ANK2: variants seen among roughly 807,000 people sequenced by gnomAD.
ANK2 encodes the protein ankyrin 2, also known as ankyrin-2.
ANK2 carries 83 observed loss-of-function variants against 360.5 expected under a neutral mutation model. The ratio of observed to expected loss-of-function variants is 0.23; its 90% CI spans 0.19 to 0.28. The LOEUF is 0.28. Ranked by LOEUF, ANK2 falls within the 10% of genes least tolerant of loss-of-function variation. The pLI, the probability that ANK2 is intolerant of heterozygous loss-of-function variation, is 1.00. For missense variants in ANK2, 4,201 were observed against 4,795.7 expected (o/e 0.88, Z 3.66); for synonymous variants, 1,740 against 1,759.5 (o/e 0.99, Z 0.28).
intron 40 of ANK2, 111 bp downstream of exon 40, chr4:113,363,580 G>A: frequency 8.7e-7 from 1 of 1,144,334 alleles, no homozygotes. Flanking sequence ...TTAATCTGCA[G>A]TACAGTGGGT....
At position 113,353,449 on chromosome 4, in the gene ANK2, A is replaced by G. The variant is rs2095540829; in HGVS notation, c.4831A>G (p.Ile1611Val). The G allele has an allele frequency of 6.2e-7, 1 of 1,614,098 alleles. No homozygotes were observed. Among genetic ancestry groups the G allele is most frequent in the Non-Finnish European group, 8.5e-7 (1 of 1,179,972 alleles). The change falls in exon 38 of 46, where the codon ATC becomes GTC. Residue 1611 changes from isoleucine to valine, a missense_variant. Physicochemically the swap from Ile to Val is conservative, Grantham distance 29. Around this residue, in one of 4 missense-constraint regions of ANK2, gnomAD observed 1,268 missense variants for 1,650.8 expected, o/e 0.77. Coordinates refer to ENST00000357077, the MANE Select transcript of ANK2 (RefSeq NM_001148.6). Reference sequence around the variant, plus strand: ...GGCTAGGCAAAAAGCACCTTTAGAAATCACTGAATATCCATGTGTAGAAGT... The same window carrying G: ...GGCTAGGCAAAAAGCACCTTTAGAAGTCACTGAATATCCATGTGTAGAAGT... Reference protein sequence around the residue: ...EEARQKAPLEITEYPCVEVRI... With the variant: ...EEARQKAPLEVTEYPCVEVRI...
At chr4:113,305,059 G>T (rs1209951252) in intron 23 of ANK2, among the ~76,000 whole-genome samples, 1 of 151,834 alleles carries the variant, frequency 6.6e-6, no homozygotes, top group Non-Finnish European at 1.5e-5. Flanking sequence ...AAATAGCCTC[G>T]GCCGGGCGCG....
chr4:113,154,347 C>T (rs553944566), intron 1 of ANK2, among the ~76,000 whole-genome samples: 64 of 152,272 alleles, frequency 4.2e-4, no homozygotes, highest in Non-Finnish European at 7.5e-4. Flanking sequence ...TACTATAAGA[C>T]AATGTTATGA....
intron 1 of ANK2, among the ~76,000 whole-genome samples, chr4:112,846,482 G>A (rs554417110): frequency 1.4e-4 from 21 of 152,130 alleles, no homozygotes; most frequent in African/African-American, 4.8e-4. Context: ...CCAAAGTCAC[G>A]AAATTCATTA....
rs143499440 is a variant in ANK2, at chr4:113,112,413, G to A, written c.85-62003G>A. On this transcript the variant is annotated intron_variant, in intron 1 of 45. Transcript: ENST00000357077. ...AGTGATTGAGGCTGGAGTGGGGTTG[G>A]GAGGATGCAGGGGGAGACAGAATGT... Among the ~76,000 whole-genome samples the A allele has an allele frequency of 4.7e-3, 716 of 152,228 alleles. 4 individuals carry two copies. The highest frequency in any genetic ancestry group is 0.016 in the African/African-American group (685 of 41,538).
intron 4 of ANK2, among the ~76,000 whole-genome samples, chr4:113,214,799 G>A (rs971691349): frequency 1.3e-5 from 2 of 152,036 alleles, no homozygotes; most frequent in African/African-American, 4.8e-5. Flanking sequence ...TCAAATCACT[G>A]GGAAATTTTT....
intron 1 of ANK2, chr4:112,827,334 G>A (rs2058626747): frequency 1.1e-5 from 13 of 1,228,450 alleles, no homozygotes; most frequent in Non-Finnish European, 1.3e-5. Flanking sequence ...AAGCCAATGA[G>A]TTACAGCAAC....
At position 113,355,754 on chromosome 4, in the gene ANK2, C is replaced by A. The variant is rs753351853; in HGVS notation, c.7136C>A (p.Thr2379Lys). The change falls in exon 38 of 46, where the codon ACA (threonine) becomes AAA (lysine). Residue 2379 changes from threonine (T) to lysine (K), a missense_variant. Thr to Lys is a moderately conservative substitution (Grantham distance 78). Coordinates refer to ENST00000357077, the MANE Select transcript of ANK2 (RefSeq NM_001148.6). ...VQESTATSDE[T>K]KALPLPEASV... is the part of the protein sequence containing the mutation. ...GAATCCACAGCCACCTCAGACGAGA[C>A]AAAGGCCTTGCCGCTGCCTGAGGCT... 31 of 1,614,012 alleles carry A rather than the reference C, an allele frequency of 1.9e-5. No homozygotes were observed. The highest frequency in any genetic ancestry group is 2.5e-5 in the Non-Finnish European group (30 of 1,179,998).
chr4:112,866,603 T>C (rs1474065289), intron 1 of ANK2, among the ~76,000 whole-genome samples: 1 of 152,186 alleles, frequency 6.6e-6, no homozygotes, highest in East Asian at 1.9e-4. Flanking sequence ...TAATACAGTT[T>C]ACTAATCATG....
intron 7 of ANK2, 101 bp downstream of exon 7, chr4:113,237,723 T>C (rs1201122881): frequency 9.1e-7 from 1 of 1,098,616 alleles, no homozygotes; most frequent in Non-Finnish European, 1.4e-6. Context: ...ATTAGAAGTT[T>C]GATTAATGGG....
intron 4 of ANK2, among the ~76,000 whole-genome samples, chr4:113,231,053 T>C (rs1387229299): frequency 1.3e-5 from 2 of 151,092 alleles, no homozygotes; most frequent in East Asian, 3.9e-4. Context: ...TTCTTTTTTT[T>C]TTTTTTCTTT....
intron 1 of ANK2, among the ~76,000 whole-genome samples, chr4:112,831,668 G>T (rs7667863): frequency 0.12 from 18,064 of 152,172 alleles, 1,818 homozygotes; most frequent in African/African-American, 0.27. Flanking sequence ...CACTCCTCGG[G>T]TCCTCTTTCA....
intron 2 of ANK2, among the ~76,000 whole-genome samples, chr4:112,950,615 G>A (rs2094887541): frequency 6.8e-6 from 1 of 146,014 alleles, no homozygotes; most frequent in Non-Finnish European, 1.5e-5. Context: ...CTGCACTCCA[G>A]CCTGGGTGAC....
intron 24 of ANK2, among the ~76,000 whole-genome samples, chr4:113,314,090 T>C (rs1040970482): frequency 2.6e-5 from 4 of 152,174 alleles, no homozygotes; most frequent in Non-Finnish European, 5.9e-5. Context: ...TGCATAGATA[T>C]GGAAGAATAC....
At chr4:113,145,713 A>G (rs1224965914) in intron 1 of ANK2, 1 of 1,141,744 alleles carries the variant, frequency 8.8e-7, no homozygotes, top group Non-Finnish European at 1.1e-6. Context: ...GCCAGCTAGC[A>G]GATGGGGAGA....
At chr4:113,211,523 A>G (rs2099021078) in intron 4 of ANK2, among the ~76,000 whole-genome samples, 1 of 152,162 alleles carries the variant, frequency 6.6e-6, no homozygotes, top group South Asian at 2.1e-4. Flanking sequence ...TGTGGAAGCA[A>G]TAAAATGTAG....
intron 1 of ANK2, among the ~76,000 whole-genome samples, chr4:113,088,030 T>C (rs1473922605): frequency 6.6e-6 from 1 of 152,190 alleles, no homozygotes; most frequent in East Asian, 1.9e-4. Flanking sequence ...TTTTTGAAAA[T>C]GGAAGTGTTT....
In ANK2 at chr4:113,336,765, A is replaced by G. The variant is rs962372697; in HGVS notation, c.3780A>G (p.Leu1260=). Residue 1260 remains leucine, a synonymous_variant, in exon 31 of 46, where the codon TTA becomes TTG. Coordinates refer to ENST00000357077, the MANE Select transcript of ANK2 (RefSeq NM_001148.6). ...GGGGAGATGCACCAACCTTAAGATT[A>G]CTATGCAGCATAACAGGTGAGTCAC... ...GFGGDAPTLR[L]LCSITGGTTP... is the part of the protein sequence containing the mutation. 17 of 1,614,040 alleles carry G rather than the reference A, an allele frequency of 1.1e-5. No homozygotes were observed. Among genetic ancestry groups the G allele is most frequent in the Non-Finnish European group, 1.3e-5 (15 of 1,180,014 alleles).
At chr4:112,754,137 AT>A in the ANK2 span, among the ~76,000 whole-genome samples, 186 of 144,236 alleles carry the variant, frequency 1.3e-3, 1 homozygote, top group African/African-American at 4.5e-3. Context: ...ATATATATAT[AT>A]ATATATATAT....
Sources: allele counts gnomAD v4.1 joint callset (sites outside exome capture counted in the v4.1 genomes callset), GRCh38; gene constraint gnomAD v4.1.1; regional missense constraint gnomAD v4.1.1; transcripts MANE v1.5; gene names NCBI Gene and HGNC (gene_info 2026-07-23, HGNC 2026-07-21).